Variants in DOCK3 observed in about 807,000 individuals in gnomAD.
The protein encoded by DOCK3 is dedicator of cytokinesis protein 3.
A neutral mutation model predicts 265.6 loss-of-function variants in DOCK3; 60 were observed. That is an observed-to-expected ratio of 0.23 (90% CI 0.18 to 0.28). DOCK3 has a LOEUF of 0.28. DOCK3 is among the 10% of genes least tolerant of loss of function. The pLI is 1.00. For missense variants in DOCK3, 1,981 were observed against 2,594.3 expected, an observed-to-expected ratio of 0.76 and a Z score of 5.14; for synonymous variants, 881 against 938.0, an observed-to-expected ratio of 0.94 and a Z score of 1.11.
At chr3:51,249,698 G>A in intron 22 of DOCK3, among the ~76,000 whole-genome samples, 1 of 130,284 alleles carries the variant, frequency 7.7e-6, no homozygotes, top group East Asian at 2.4e-4. Flanking sequence ...CGGGAGGTGA[G>A]GGGCGCCTCT....
At chr3:51,350,424 T>C (rs199563042) in intron 40 of DOCK3, 32 bp downstream of exon 40, 137 of 1,593,862 alleles carry the variant, frequency 8.6e-5, no homozygotes, top group Non-Finnish European at 1.1e-4. Context: ...CAAGAACTTA[T>C]ATATTTTACG....
intron 21 of DOCK3, among the ~76,000 whole-genome samples, chr3:51,239,573 T>G (rs867214030): frequency 1.7e-4 from 21 of 124,418 alleles, no homozygotes; most frequent in South Asian, 1.2e-3. Flanking sequence ...TTTGTTTGTT[T>G]GTTTTTTGTT....
intron 27 of DOCK3, among the ~76,000 whole-genome samples, chr3:51,296,331 C>G (rs1362276730): frequency 6.6e-6 from 1 of 152,094 alleles, no homozygotes; most frequent in Admixed American, 6.6e-5. Flanking sequence ...CCAAAACAAC[C>G]TGGAAAAAGA....
chr3:51,239,541 C>T (rs183308951), intron 21 of DOCK3, among the ~76,000 whole-genome samples: 3 of 148,290 alleles, frequency 2.0e-5, no homozygotes, highest in East Asian at 3.9e-4. Context: ...GGCTGTGAAT[C>T]TGTCTGGTCC....
At chr3:50,859,830 T>C (rs2046817340) in intron 3 of DOCK3, among the ~76,000 whole-genome samples, 1 of 152,180 alleles carries the variant, frequency 6.6e-6, no homozygotes, top group South Asian at 2.1e-4. Flanking sequence ...GGCTCCTCTG[T>C]GTTTCCTCAT....
At chr3:50,904,328 G>C (rs915730643) in intron 4 of DOCK3, among the ~76,000 whole-genome samples, 2 of 152,208 alleles carry the variant, frequency 1.3e-5, no homozygotes, top group African/African-American at 4.8e-5. Context: ...GATCCTTGAG[G>C]AATCGCTACG....
chr3:50,747,253 C>T (rs1179931201), intron 1 of DOCK3, among the ~76,000 whole-genome samples: 2 of 152,142 alleles, frequency 1.3e-5, no homozygotes, highest in Non-Finnish European at 2.9e-5. Context: ...GTAGTGTTAG[C>T]TTCCAATTTT....
At chr3:51,326,071 A>G (rs1371257041) in intron 32 of DOCK3, among the ~76,000 whole-genome samples, 1 of 149,108 alleles carries the variant, frequency 6.7e-6, no homozygotes. Context: ...AAAAAAAAAA[A>G]AGGCCAAAAA....
chr3:51,041,991 C>T (rs2080551728), intron 5 of DOCK3, among the ~76,000 whole-genome samples: 1 of 152,130 alleles, frequency 6.6e-6, no homozygotes, highest in African/African-American at 2.4e-5. Context: ...CAGCTGAATT[C>T]TACCATATAT....
chr3:51,074,674 T>TGG (rs2081992086), intron 6 of DOCK3, among the ~76,000 whole-genome samples: 1 of 151,820 alleles, frequency 6.6e-6, no homozygotes, highest in African/African-American at 2.4e-5. Context: ...GGGGCCTATC[T>TGG]GGGGGTGTGG....
intron 40 of DOCK3, among the ~76,000 whole-genome samples, chr3:51,353,901 G>A (rs920235274): frequency 2.6e-5 from 4 of 152,126 alleles, no homozygotes; most frequent in Admixed American, 2.0e-4. Flanking sequence ...TCACCAGTGG[G>A]TTTCAGGGGA....
intron 1 of DOCK3, among the ~76,000 whole-genome samples, chr3:50,696,741 C>A (rs149714018): frequency 6.6e-6 from 1 of 152,030 alleles, no homozygotes; most frequent in Non-Finnish European, 1.5e-5. Context: ...ATGGGAAACC[C>A]GCATATGCAC....
intron 46 of DOCK3, among the ~76,000 whole-genome samples, chr3:51,358,808 A>C (rs1007603220): frequency 6.6e-6 from 1 of 152,226 alleles, no homozygotes; most frequent in African/African-American, 2.4e-5. Flanking sequence ...AACAGGACTT[A>C]TATTCCAGGA....
chr3:51,246,825 C>T lies in DOCK3; in HGVS notation c.2184+18C>T, dbSNP rs2078863883. ...CTATGCGGGTAATGTACTAACCTCT[C>T]CATACATAAGAGACCCACTCATGCA... is the stretch of plus-strand genomic sequence containing the variant. On this transcript the variant is annotated intron_variant, in intron 22 of 52. Coordinates refer to ENST00000266037, the MANE Select transcript of DOCK3 (RefSeq NM_004947.5). 1.2e-6 allele frequency: 2 copies of T among 1,608,532 alleles called. No homozygotes were observed. The highest frequency in any genetic ancestry group is 1.3e-5 in the African/African-American group (1 of 74,884).
chr3:50,677,657 G>A (rs571140947), intron 1 of DOCK3, among the ~76,000 whole-genome samples: 1 of 152,216 alleles, frequency 6.6e-6, no homozygotes, highest in African/African-American at 2.4e-5. Context: ...GGAGGGCCTC[G>A]AGGGCCTCCT....
intron 5 of DOCK3, among the ~76,000 whole-genome samples, chr3:51,007,369 G>A (rs1192418586): frequency 1.3e-5 from 2 of 152,156 alleles, no homozygotes; most frequent in East Asian, 3.8e-4. Flanking sequence ...TTTCTCTGAT[G>A]GCCAGTGATG....
chr3:51,199,419 C>T (rs568403245), intron 12 of DOCK3, among the ~76,000 whole-genome samples: 67 of 152,302 alleles, frequency 4.4e-4, no homozygotes, highest in African/African-American at 1.4e-3. Context: ...CCTACACCCA[C>T]GGAGTCTCGC....
chr3:51,128,690 A>T, intron 9 of DOCK3, among the ~76,000 whole-genome samples: 1 of 152,184 alleles, frequency 6.6e-6, no homozygotes, highest in East Asian at 1.9e-4. Context: ...AACCTGCCAC[A>T]GCTGGCTGAT....
chr3:51,210,244 C>T (rs576276816), intron 13 of DOCK3, among the ~76,000 whole-genome samples: 3 of 152,254 alleles, frequency 2.0e-5, no homozygotes, highest in Admixed American at 6.5e-5. Context: ...CTCCCCAGAG[C>T]GAGCAGGGAC....
Sources: allele counts gnomAD v4.1 joint callset (sites outside exome capture counted in the v4.1 genomes callset), GRCh38; gene constraint gnomAD v4.1.1; transcripts MANE v1.5; gene names NCBI Gene and HGNC (gene_info 2026-07-23, HGNC 2026-07-21).